HIP1: variants seen among roughly 807,000 people sequenced by gnomAD.
HIP1 encodes huntingtin interacting protein 1.
HIP1 carries 65 observed loss-of-function variants against 147.6 expected under a neutral mutation model. The observed-to-expected ratio is 0.44, with a 90% confidence interval of 0.36 to 0.54. The LOEUF (loss-of-function observed/expected upper bound fraction) is 0.54, where lower values mean the gene tolerates loss of function less well. HIP1 is among the 20% of genes least tolerant of loss of function. The pLI, the probability that HIP1 is intolerant of heterozygous loss-of-function variation, is 0.00. For synonymous variants in HIP1, 479 were observed against 504.0 expected, an observed-to-expected ratio of 0.95 and a Z score of 0.67; for missense variants, 1,061 against 1,299.6, an observed-to-expected ratio of 0.82 and a Z score of 2.82.
intron 1 of HIP1, among the ~76,000 whole-genome samples, chr7:75,703,490 A>G (rs1199306611): frequency 6.6e-6 from 1 of 152,134 alleles, no homozygotes; most frequent in Non-Finnish European, 1.5e-5. Context: ...CTAAAAATAC[A>G]AAATCAGCTG....
intron 1 of HIP1, among the ~76,000 whole-genome samples, chr7:75,706,023 A>G (rs944682475): frequency 6.6e-6 from 1 of 151,864 alleles, no homozygotes; most frequent in Non-Finnish European, 1.5e-5. Context: ...CCTCCCAAAT[A>G]GCTGGGATTA....
intron 8 of HIP1, among the ~76,000 whole-genome samples, chr7:75,571,608 G>A (rs907278700): frequency 6.6e-6 from 1 of 151,854 alleles, no homozygotes; most frequent in Admixed American, 6.6e-5. Flanking sequence ...TTTTAGGCAC[G>A]GTCTCGTTCT....
chr7:75,706,782 C>A (rs13227940), intron 1 of HIP1, among the ~76,000 whole-genome samples: 3 of 98,748 alleles, frequency 3.0e-5, no homozygotes, highest in African/African-American at 1.3e-4. Context: ...TCCCTCCCCC[C>A]TCCCCCGACC....
chr7:75,653,478 C>A lies in HIP1; in HGVS notation c.121-54231G>T, dbSNP rs181868624. ...GACCAGCCTGGGCAACATAGTGAGA[C>A]CCCCATCTCTACAAAAAATAGAAAA... On this transcript the variant is annotated intron_variant, in intron 1 of 30. Transcript: ENST00000336926. Among the ~76,000 whole-genome samples, 4 of 151,780 alleles carry A rather than the reference C, an allele frequency of 2.6e-5. No homozygotes were observed. In the East Asian group the frequency reaches 5.8e-4, roughly 22 times the overall value.
At chr7:75,617,455 C>G (rs1315812537) in intron 1 of HIP1, among the ~76,000 whole-genome samples, 1 of 151,664 alleles carries the variant, frequency 6.6e-6, no homozygotes, top group African/African-American at 2.4e-5. Context: ...GGCCTCAAGC[C>G]ATCCTCCTGC....
chr7:75,606,012 G>A (rs1246150209), intron 1 of HIP1, among the ~76,000 whole-genome samples: 1 of 151,986 alleles, frequency 6.6e-6, no homozygotes, highest in Non-Finnish European at 1.5e-5. Flanking sequence ...ACTATGCCTG[G>A]CTAGTTGGTT....
intron 1 of HIP1, 54 bp downstream of exon 1, chr7:75,738,747 G>T: frequency 6.4e-7 from 1 of 1,572,184 alleles, no homozygotes. Context: ...GCCCCTCCCG[G>T]ACACCGCGTC....
At chr7:75,632,280 C>T (rs187300923) in intron 1 of HIP1, among the ~76,000 whole-genome samples, 2 of 152,128 alleles carry the variant, frequency 1.3e-5, no homozygotes, top group East Asian at 3.9e-4. Context: ...CAGGGGCCTA[C>T]GTAAAAAGGG....
At chr7:75,623,621 C>T (rs1253525372) in intron 1 of HIP1, among the ~76,000 whole-genome samples, 2 of 152,178 alleles carry the variant, frequency 1.3e-5, no homozygotes, top group African/African-American at 2.4e-5. Context: ...GCACAGGATG[C>T]CTGGAGCTGC....
intron 1 of HIP1, among the ~76,000 whole-genome samples, chr7:75,717,111 G>T (rs1801346966): frequency 6.6e-6 from 1 of 152,140 alleles, no homozygotes; most frequent in African/African-American, 2.4e-5. Flanking sequence ...GAGTCACCAT[G>T]CCCGGCCAAT....
intron 5 of HIP1, among the ~76,000 whole-genome samples, chr7:75,583,029 C>A (rs1194710015): frequency 2.6e-5 from 4 of 152,140 alleles, no homozygotes; most frequent in Non-Finnish European, 5.9e-5. Context: ...CTGCCCAGAC[C>A]TCCCCACACC....
At chr7:75,730,586 G>A (rs562177529) in intron 1 of HIP1, among the ~76,000 whole-genome samples, 118 of 151,970 alleles carry the variant, frequency 7.8e-4, no homozygotes, top group African/African-American at 2.6e-3. Flanking sequence ...TGATCCACCC[G>A]CCTCGGCCTC....
chr7:75,633,977 A>C (rs587701350), intron 1 of HIP1, among the ~76,000 whole-genome samples: 1 of 152,126 alleles, frequency 6.6e-6, no homozygotes, highest in Admixed American at 6.6e-5. Flanking sequence ...TATAGGGAGC[A>C]GGGCACAGTG....
chr7:75,594,765 C>T (rs1206474736), intron 2 of HIP1, among the ~76,000 whole-genome samples: 1 of 152,198 alleles, frequency 6.6e-6, no homozygotes, highest in African/African-American at 2.4e-5. Flanking sequence ...CAGAGCGAGA[C>T]TCCATCTCAA....
intron 4 of HIP1, among the ~76,000 whole-genome samples, chr7:75,589,922 C>T (rs1198719640): frequency 3.3e-5 from 5 of 151,394 alleles, no homozygotes; most frequent in African/African-American, 9.7e-5. Flanking sequence ...TTAGTAGAGA[C>T]GGGGGTTTCA....
chr7:75,695,863 C>T lies in HIP1; in HGVS notation c.120+42938G>A, dbSNP rs548861859. On this transcript the variant is annotated intron_variant, in intron 1 of 30. Transcript: ENST00000336926. ...GTGCTGGGATTACAGGCATGAGCCA[C>T]CGTGCCTGGCTGGTACTGGTTCTTA... Among the ~76,000 whole-genome samples the T allele has an allele frequency of 2.0e-5, 3 of 152,148 alleles. 1 individual carries two copies. The highest frequency in any genetic ancestry group is 2.0e-4 in the Admixed American group (3 of 15,260).
intron 1 of HIP1, among the ~76,000 whole-genome samples, chr7:75,649,775 G>A (rs1242636987): frequency 6.6e-6 from 1 of 152,144 alleles, no homozygotes; most frequent in Non-Finnish European, 1.5e-5. Flanking sequence ...AAGGAAGTGT[G>A]GCACTTCCCT....
At chr7:75,571,084 A>G (rs1246281681) in intron 8 of HIP1, among the ~76,000 whole-genome samples, 1 of 152,154 alleles carries the variant, frequency 6.6e-6, no homozygotes, top group Non-Finnish European at 1.5e-5. Flanking sequence ...CCCCTTCCTC[A>G]GCCCAGAGGC....
At chr7:75,722,755 A>AT (rs1317219677) in intron 1 of HIP1, among the ~76,000 whole-genome samples, 2 of 152,068 alleles carry the variant, frequency 1.3e-5, no homozygotes, top group Non-Finnish European at 1.5e-5. Flanking sequence ...ATAAAAAAAA[A>AT]TTTTTTTTAA....
Sources: gnomAD v4.1 joint callset for allele counts (sites outside exome capture counted in the v4.1 genomes callset) on GRCh38, gnomAD v4.1.1 for gene constraint, MANE v1.5 for transcripts, NCBI Gene and HGNC (gene_info 2026-07-23, HGNC 2026-07-21) for gene names.